Variants in THSD7B observed in about 807,000 individuals in gnomAD.
THSD7B encodes thrombospondin type 1 domain containing 7B.
THSD7B carries 138 observed loss-of-function variants against 213.6 expected under a neutral mutation model. The ratio of observed to expected loss-of-function variants is 0.65; its 90% confidence interval spans 0.56 to 0.74. The LOEUF (loss-of-function observed/expected upper bound fraction) is 0.74, where lower values mean the gene tolerates loss of function less well. Ranked by LOEUF, THSD7B falls within the 30% of genes least tolerant of loss-of-function variation. The probability of loss-of-function intolerance (pLI) is 0.00; values close to 1 mark genes in which losing one functional copy is unlikely to be tolerated. For missense variants in THSD7B, 1,931 were observed against 1,991.5 expected, an observed-to-expected ratio of 0.97 and a Z score of 0.58; for synonymous variants, 742 against 687.0, an observed-to-expected ratio of 1.08 and a Z score of -1.25.
intron 2 of THSD7B, among the ~76,000 whole-genome samples, chr2:136,948,888 T>C (rs1033752684): frequency 6.7e-6 from 1 of 150,350 alleles, no homozygotes; most frequent in African/African-American, 2.5e-5. Context: ...GCTTTTTTGT[T>C]CTTATGTGGT....
At chr2:137,348,439 G>A (rs1194410802) in intron 12 of THSD7B, among the ~76,000 whole-genome samples, 2 of 151,648 alleles carry the variant, frequency 1.3e-5, no homozygotes, top group African/African-American at 4.8e-5. Context: ...AATCCATTTT[G>A]TTGGCCTTTT....
At chr2:137,293,118 C>T (rs1683376222) in intron 12 of THSD7B, among the ~76,000 whole-genome samples, 1 of 151,770 alleles carries the variant, frequency 6.6e-6, no homozygotes, top group Non-Finnish European at 1.5e-5. Flanking sequence ...TAAGAACTGC[C>T]TTAGTTTTGT....
intron 27 of THSD7B, among the ~76,000 whole-genome samples, chr2:137,676,239 C>T (rs929399369): frequency 6.6e-6 from 1 of 152,148 alleles, no homozygotes; most frequent in African/African-American, 2.4e-5. Context: ...TGAGAAAAGA[C>T]GTTCCTGTTG....
chr2:137,003,832 G>GT (rs1474132624), intron 2 of THSD7B, among the ~76,000 whole-genome samples: 7 of 152,170 alleles, frequency 4.6e-5, no homozygotes, highest in Non-Finnish European at 1.0e-4. Flanking sequence ...ATTGAAGTAA[G>GT]TAACAAGCCC....
Position 136,870,909 on chromosome 2 carries a change from G to A in THSD7B, c.-35-11235G>A, listed in dbSNP as rs112909119. On this transcript the variant is annotated intron_variant, in intron 1 of 27. Coordinates refer to ENST00000409968, the MANE Select transcript of THSD7B (RefSeq NM_001316349.2). ...ATTTTCTGTGAGGAATGCATAGAAG[G>A]AAAGCAAGGGTGGAAGCAGAAAAGC... Among the ~76,000 whole-genome samples the A allele has an allele frequency of 8.9e-3, 1,356 of 152,292 alleles. 26 individuals are homozygous for A. Among genetic ancestry groups the A allele is most frequent in the African/African-American group, 0.031 (1,301 of 41,546 alleles).
At chr2:137,399,440 G>C (rs968238463) in intron 12 of THSD7B, among the ~76,000 whole-genome samples, 2 of 152,004 alleles carry the variant, frequency 1.3e-5, no homozygotes, top group Non-Finnish European at 2.9e-5. Context: ...TGATCTCCCA[G>C]CCTTGGCCTC....
chr2:137,320,787 T>C (rs1684248115), intron 12 of THSD7B, among the ~76,000 whole-genome samples: 1 of 152,204 alleles, frequency 6.6e-6, no homozygotes, highest in Non-Finnish European at 1.5e-5. Context: ...CTGCCATTTC[T>C]TTACCTTGAA....
At chr2:136,950,868 A>G (rs1685025951) in intron 2 of THSD7B, among the ~76,000 whole-genome samples, 2 of 152,204 alleles carry the variant, frequency 1.3e-5, no homozygotes. Context: ...GATGTGGAAG[A>G]AAGGACCAAA....
chr2:137,271,450 A>AATATAAT (rs369285791), intron 10 of THSD7B, among the ~76,000 whole-genome samples: 21,704 of 133,578 alleles, frequency 0.16, 2,056 homozygotes, highest in African/African-American at 0.22. Context: ...TATAATATAT[A>AATATAAT]ATATAATATA....
chr2:136,841,410 A>G lies in THSD7B; in HGVS notation c.-35-40734A>G, dbSNP rs190531244. 2.9e-3 allele frequency among the ~76,000 whole-genome samples: 436 copies of G among 151,962 alleles called. 1 individual carries two copies. Among genetic ancestry groups the G allele is most frequent in the African/African-American group, 9.9e-3 (409 of 41,452 alleles). Reference sequence around the variant, plus strand: ...AGAGATTGAGACCATCCTGGCCAACATGGTGAAACTCCATCTCCACTAAAA... The same window carrying G: ...AGAGATTGAGACCATCCTGGCCAACGTGGTGAAACTCCATCTCCACTAAAA... On this transcript the variant is annotated intron_variant, in intron 1 of 27. Coordinates refer to ENST00000409968, the MANE Select transcript of THSD7B (RefSeq NM_001316349.2).
At chr2:137,483,021 C>T (rs1358956353) in intron 15 of THSD7B, among the ~76,000 whole-genome samples, 2 of 151,830 alleles carry the variant, frequency 1.3e-5, no homozygotes, top group Non-Finnish European at 2.9e-5. Flanking sequence ...AAGTCATGAC[C>T]AAAAGTCGTG....
At chr2:136,952,101 T>A (rs1685047496) in intron 2 of THSD7B, among the ~76,000 whole-genome samples, 1 of 152,134 alleles carries the variant, frequency 6.6e-6, no homozygotes. Context: ...ACTCCTGTCC[T>A]CATGATCTGT....
intron 2 of THSD7B, among the ~76,000 whole-genome samples, chr2:136,945,336 T>C (rs1684918052): frequency 6.6e-6 from 1 of 152,084 alleles, no homozygotes; most frequent in Admixed American, 6.5e-5. Flanking sequence ...TGCCAAGAGT[T>C]CTGTTGTTGG....
At chr2:136,841,443 A>G (rs1682917946) in intron 1 of THSD7B, among the ~76,000 whole-genome samples, 1 of 151,748 alleles carries the variant, frequency 6.6e-6, no homozygotes. Flanking sequence ...AAAATACAAA[A>G]AAAAATAGCT....
chr2:136,768,598 A>G (rs1681450528), intron 1 of THSD7B, among the ~76,000 whole-genome samples: 1 of 152,220 alleles, frequency 6.6e-6, no homozygotes, highest in Non-Finnish European at 1.5e-5. Flanking sequence ...AAGAATTCTA[A>G]GTAGTGACAA....
chr2:137,237,553 A>T (rs992799570), intron 9 of THSD7B, among the ~76,000 whole-genome samples: 1 of 152,226 alleles, frequency 6.6e-6, no homozygotes, highest in African/African-American at 2.4e-5. Flanking sequence ...GGCACTCAAA[A>T]TTAGTGTATG....
At chr2:136,835,499 G>A (rs190949312) in intron 1 of THSD7B, among the ~76,000 whole-genome samples, 62 of 152,258 alleles carry the variant, frequency 4.1e-4, no homozygotes, top group African/African-American at 1.5e-3. Context: ...TTAGTTGTGA[G>A]GAGGCTCTGA....
chr2:137,614,839 G>C (rs1426353684), intron 17 of THSD7B, among the ~76,000 whole-genome samples: 1 of 152,096 alleles, frequency 6.6e-6, no homozygotes, highest in Admixed American at 6.6e-5. Context: ...GCATATTTTA[G>C]TGCAATCCAA....
intron 7 of THSD7B, among the ~76,000 whole-genome samples, chr2:137,194,423 A>G (rs892049844): frequency 5.3e-5 from 8 of 152,244 alleles, no homozygotes; most frequent in Non-Finnish European, 8.8e-5. Flanking sequence ...AAACCCACAC[A>G]TGATCTGAGT....
Sources: allele counts gnomAD v4.1 joint callset (sites outside exome capture counted in the v4.1 genomes callset), GRCh38; gene constraint gnomAD v4.1.1; transcripts MANE v1.5; gene names NCBI Gene and HGNC (gene_info 2026-07-23, HGNC 2026-07-21).